Variants in DNAAF9 observed in about 807,000 individuals in gnomAD.
DNAAF9 encodes dynein axonemal assembly factor 9.
In DNAAF9, 90 loss-of-function variants were observed where a neutral mutation model predicts 167.0. The observed-to-expected ratio is 0.54, with a 90% CI of 0.45 to 0.64. The LOEUF is 0.64. DNAAF9 is among the 30% of genes least tolerant of loss of function. The probability of loss-of-function intolerance (pLI) is 0.00; values close to 1 mark genes in which losing one functional copy is unlikely to be tolerated. For missense variants in DNAAF9, 1,315 were observed against 1,442.2 expected (o/e 0.91, Z 1.43); for synonymous variants, 491 against 508.8 (o/e 0.96, Z 0.47).
At chr20:3,349,209 A>AAAAAAC (rs1568620393) in intron 7 of DNAAF9, among the ~76,000 whole-genome samples, 1 of 149,630 alleles carries the variant, frequency 6.7e-6, no homozygotes, top group African/African-American at 2.5e-5. Context: ...AAAAACAAAA[A>AAAAAAC]AAAAAAAAAC....
chr20:3,395,318 T>C (rs1022300648), intron 1 of DNAAF9, among the ~76,000 whole-genome samples: 3 of 151,452 alleles, frequency 2.0e-5, no homozygotes, highest in Non-Finnish European at 4.4e-5. Flanking sequence ...CCTTGATCTG[T>C]TGCCCAGGCT....
intron 1 of DNAAF9, among the ~76,000 whole-genome samples, chr20:3,404,537 T>G (rs890965420): frequency 1.3e-5 from 2 of 152,218 alleles, no homozygotes; most frequent in African/African-American, 4.8e-5. Flanking sequence ...AAAAACCGAC[T>G]AGGCCTTCTT....
chr20:3,332,900 G>GTGTGTGGTGTGTGTGTGTGTGTGT (rs1376871054), intron 10 of DNAAF9, among the ~76,000 whole-genome samples: 3 of 146,840 alleles, frequency 2.0e-5, no homozygotes, highest in African/African-American at 7.5e-5. Context: ...GTGTGCGTGT[G>GTGTGTGGTGTGTGTGTGTGTGTGT]GTGTGTGTGT....
intron 8 of DNAAF9, among the ~76,000 whole-genome samples, chr20:3,346,446 T>A (rs979049456): frequency 4.6e-5 from 7 of 151,664 alleles, no homozygotes; most frequent in Non-Finnish European, 8.8e-5. Context: ...TTAAGACAAA[T>A]CCACAAAATG....
chr20:3,374,226 T>G (rs2083546850), intron 5 of DNAAF9, 72 bp from the exon 6 acceptor site: 1 of 988,888 alleles, frequency 1.0e-6, no homozygotes. Flanking sequence ...TGACCTAACA[T>G]GGTTAGACAG....
At chr20:3,378,310 G>A (rs2083602528) in intron 3 of DNAAF9, among the ~76,000 whole-genome samples, 1 of 152,160 alleles carries the variant, frequency 6.6e-6, no homozygotes, top group Non-Finnish European at 1.5e-5. Context: ...CAACGATACT[G>A]CTTGTCCCTT....
At position 3,388,806 on chromosome 20, in the gene DNAAF9, G is replaced by A. The variant is rs556523084; in HGVS notation, c.84-6300C>T. Among the ~76,000 whole-genome samples the A allele has an allele frequency of 6.6e-5, 10 of 152,296 alleles. No homozygotes were observed. The South Asian group carries it at 1.9e-3, about 28-fold the overall frequency. ...GGTGCTGGATGGGAGAGGGAATGGG[G>A]AGTTATTGTTTAATAGGTACAGCTT... is the stretch of plus-strand genomic sequence containing the variant. On this transcript the variant is annotated intron_variant, in intron 1 of 36. Coordinates refer to ENST00000252032, the MANE Select transcript of DNAAF9 (RefSeq NM_001009984.3).
intron 30 of DNAAF9, 59 bp downstream of exon 30, chr20:3,270,368 C>G: frequency 6.6e-7 from 1 of 1,508,122 alleles, no homozygotes; most frequent in South Asian, 1.1e-5. Flanking sequence ...CTGTGGGCCA[C>G]AGACAGAGTG....
In DNAAF9 at chr20:3,315,629, C is replaced by A; in HGVS notation, c.1590+106G>T. 1 of 890,062 alleles carries A rather than the reference C, an allele frequency of 1.1e-6. No individual in the cohort carries two copies. Among genetic ancestry groups the A allele is most frequent in the East Asian group, 2.4e-5 (1 of 41,094 alleles). 55.1% of individuals were successfully genotyped at this position (890,062 alleles called of 1,614,324 possible). ...AATAGGAAGTGAAGACAACATAGTG[C>A]AAGTCTTTTAGATTAGTAGTGAGAT... On this transcript the variant is annotated intron_variant, in intron 19 of 36. Coordinates refer to ENST00000252032, the MANE Select transcript of DNAAF9 (RefSeq NM_001009984.3). The surrounding 1 kb of genome is among the most constrained non-coding windows in gnomAD (Gnocchi z 4.1).
rs559311978 is a variant in DNAAF9, at chr20:3,357,767, C to T, written c.690+1749G>A. On this transcript the variant is annotated intron_variant, in intron 7 of 36. Transcript: ENST00000252032. ...AGTGTGGAGCGCAATGGTACAATCT[C>T]GGCTCATTGCAACCTCTGCCTCCCG... 9.8e-4 allele frequency among the ~76,000 whole-genome samples: 149 copies of T among 151,984 alleles called. No individual in the cohort carries two copies. In the Middle Eastern group the frequency reaches 0.014, roughly 14 times the overall value.
At chr20:3,295,903 A>G in intron 23 of DNAAF9, 1 of 1,380,386 alleles carries the variant, frequency 7.2e-7, no homozygotes, top group African/African-American at 1.4e-5. Flanking sequence ...CGTCAATTGA[A>G]TGTTCTCTCA....
chr20:3,253,608 G>C, intron 36 of DNAAF9, 118 bp downstream of exon 36: 1 of 697,016 alleles, frequency 1.4e-6, no homozygotes, highest in Non-Finnish European at 2.6e-6. Flanking sequence ...TGGACATGCA[G>C]AGTGCTCCTG....
intron 5 of DNAAF9, among the ~76,000 whole-genome samples, chr20:3,374,393 ACATTC>A (rs1434437493): frequency 6.6e-6 from 1 of 152,244 alleles, no homozygotes; most frequent in Non-Finnish European, 1.5e-5. Context: ...GTATATTGTA[ACATTC>A]CAGTTTCCTG....
rs140529777 is a variant in DNAAF9 at position 3,337,644 on chromosome 20, T to C, written c.981+2860A>G. ...TTTGAGATCTCTAGTGATTTTTCAA[T>C]TGAAACATGGACATTTTTAGTGGTT... On this transcript the variant is annotated intron_variant, in intron 10 of 36. Transcript: ENST00000252032. 4.7e-3 allele frequency among the ~76,000 whole-genome samples: 720 copies of C among 152,110 alleles called. 5 individuals carry two copies. Among genetic ancestry groups the C allele is most frequent in the African/African-American group, 0.017 (692 of 41,520 alleles).
At chr20:3,392,420 AAAG>A (rs1372204086) in intron 1 of DNAAF9, among the ~76,000 whole-genome samples, 2 of 152,222 alleles carry the variant, frequency 1.3e-5, no homozygotes, top group Admixed American at 6.5e-5. Flanking sequence ...GATAGATGAC[AAAG>A]AAGAAGAAAC....
Position 3,315,646 on chromosome 20 carries a change from T to A in DNAAF9, c.1590+89A>T, listed in dbSNP as rs2123030727. 4 of 981,560 alleles carry A rather than the reference T, an allele frequency of 4.1e-6. No individual in the cohort carries two copies. The South Asian group carries it at 5.1e-5, about 13-fold the overall frequency. The allele number at this position is 981,560 out of a possible 1,614,324, so 60.8% of individuals were successfully genotyped here. On this transcript the variant is annotated intron_variant, in intron 19 of 36. Coordinates refer to ENST00000252032, the MANE Select transcript of DNAAF9 (RefSeq NM_001009984.3). This position sits in a 1 kb window ranked among gnomAD's most constrained non-coding sequence, Gnocchi z 4.1. ...ACATAGTGCAAGTCTTTTAGATTAG[T>A]AGTGAGATGAAGCATTTTAATACCT...
At chr20:3,338,882 G>A (rs1324855395) in intron 10 of DNAAF9, among the ~76,000 whole-genome samples, 12 of 151,966 alleles carry the variant, frequency 7.9e-5, no homozygotes, top group Admixed American at 7.9e-4. Context: ...TCGAACTCCT[G>A]ACCTCAGGCA....
At chr20:3,273,078 G>T (rs1341062334) in intron 29 of DNAAF9, among the ~76,000 whole-genome samples, 2 of 152,212 alleles carry the variant, frequency 1.3e-5, no homozygotes, top group South Asian at 4.1e-4. Flanking sequence ...TGATCCACCC[G>T]CCTCGGCCTC....
chr20:3,405,151 C>T (rs2084038934), intron 1 of DNAAF9, among the ~76,000 whole-genome samples: 1 of 152,232 alleles, frequency 6.6e-6, no homozygotes, highest in Non-Finnish European at 1.5e-5. Flanking sequence ...CTACTACATG[C>T]TCAAGAGACA....
Sources: allele counts gnomAD v4.1 joint callset (sites outside exome capture counted in the v4.1 genomes callset), GRCh38; gene constraint gnomAD v4.1.1; non-coding constraint Gnocchi (gnomAD v3.1); transcripts MANE v1.5; gene names NCBI Gene and HGNC (gene_info 2026-07-23, HGNC 2026-07-21).